SCFD2: variants seen among roughly 807,000 people sequenced by gnomAD.
SCFD2 encodes the protein sec1 family domain containing 2, also known as sec1 family domain-containing protein 2.
Under a neutral mutation model 58.9 loss-of-function variants are expected in SCFD2, and 54 were observed. The ratio of observed to expected loss-of-function variants is 0.92; its 90% CI spans 0.74 to 1.15. SCFD2 has a LOEUF of 1.15. Among genes scored for constraint, SCFD2 ranks in the 50% most tolerant of loss-of-function variants. The pLI, the probability that SCFD2 is intolerant of heterozygous loss-of-function variation, is 0.00. For missense variants in SCFD2, 805 were observed against 836.6 expected, an observed-to-expected ratio of 0.96 and a Z score of 0.47; for synonymous variants, 321 against 335.9, an observed-to-expected ratio of 0.96 and a Z score of 0.49.
At chr4:53,039,315 A>G (rs1722838252) in intron 5 of SCFD2, among the ~76,000 whole-genome samples, 1 of 151,940 alleles carries the variant, frequency 6.6e-6, no homozygotes, top group Non-Finnish European at 1.5e-5. Flanking sequence ...CTTATTTCCA[A>G]TCCAGTTTGC....
chr4:53,171,073 G>A (rs1267958313), intron 4 of SCFD2, among the ~76,000 whole-genome samples: 1 of 152,136 alleles, frequency 6.6e-6, no homozygotes, highest in Non-Finnish European at 1.5e-5. Context: ...AAATAGAAGT[G>A]GTGACTGTGT....
intron 5 of SCFD2, among the ~76,000 whole-genome samples, chr4:53,114,520 A>T (rs1725265650): frequency 6.6e-6 from 1 of 152,120 alleles, no homozygotes; most frequent in South Asian, 2.1e-4. Context: ...AAAAGCCAGA[A>T]ATTTGATTTG....
At chr4:52,972,083 C>T (rs13119828) in intron 5 of SCFD2, among the ~76,000 whole-genome samples, 5,687 of 152,232 alleles carry the variant, frequency 0.037, 157 homozygotes, top group Non-Finnish European at 0.06. Context: ...TAAAGACCAT[C>T]GAGGCTAGGA....
At chr4:53,248,602 T>A (rs547219527) in intron 4 of SCFD2, among the ~76,000 whole-genome samples, 1 of 152,314 alleles carries the variant, frequency 6.6e-6, no homozygotes. Flanking sequence ...CCTCCTCAAG[T>A]GGGTCCCTGA....
intron 5 of SCFD2, among the ~76,000 whole-genome samples, chr4:53,019,339 GC>G (rs1722291315): frequency 1.3e-5 from 2 of 152,108 alleles, no homozygotes. Context: ...TGTATTTAAA[GC>G]CCTGTTTATG....
chr4:52,881,408 A>T (rs1718606023), intron 8 of SCFD2, among the ~76,000 whole-genome samples: 1 of 152,180 alleles, frequency 6.6e-6, no homozygotes, highest in Admixed American at 6.5e-5. Flanking sequence ...TCTGTTGTCC[A>T]CTTGTCATGA....
chr4:53,239,168 G>C (rs1469397568), intron 4 of SCFD2, among the ~76,000 whole-genome samples: 1 of 151,588 alleles, frequency 6.6e-6, no homozygotes, highest in Non-Finnish European at 1.5e-5. Context: ...AGACTGGCCT[G>C]GCCAACACAG....
chr4:53,173,124 T>C (rs1474295823), intron 4 of SCFD2, among the ~76,000 whole-genome samples: 1 of 152,232 alleles, frequency 6.6e-6, no homozygotes, highest in Non-Finnish European at 1.5e-5. Flanking sequence ...TTTACAGTTT[T>C]TGACTTAAAG....
chr4:53,234,287 C>A (rs1379510548), intron 4 of SCFD2, among the ~76,000 whole-genome samples: 1 of 152,194 alleles, frequency 6.6e-6, no homozygotes, highest in Non-Finnish European at 1.5e-5. Flanking sequence ...GGCTTTTCAG[C>A]TTTTCCCCTC....
intron 3 of SCFD2, among the ~76,000 whole-genome samples, chr4:53,278,359 A>C (rs1274861841): frequency 8.7e-6 from 1 of 114,954 alleles, no homozygotes; most frequent in Non-Finnish European, 1.7e-5. Flanking sequence ...ACTCCATCTT[A>C]AAAAAAAAAA....
chr4:53,103,600 A>G (rs1724891745), intron 5 of SCFD2, among the ~76,000 whole-genome samples: 1 of 148,664 alleles, frequency 6.7e-6, no homozygotes. Flanking sequence ...AAGAGGATGT[A>G]GAAGAACAAT....
At chr4:53,247,152 A>C (rs1457446561) in intron 4 of SCFD2, among the ~76,000 whole-genome samples, 1 of 152,230 alleles carries the variant, frequency 6.6e-6, no homozygotes, top group African/African-American at 2.4e-5. Flanking sequence ...GCATATAAAA[A>C]ACCAGCTCAA....
intron 2 of SCFD2, among the ~76,000 whole-genome samples, chr4:53,329,921 C>G (rs1320481423): frequency 1.3e-5 from 2 of 151,868 alleles, no homozygotes; most frequent in Admixed American, 1.3e-4. Context: ...CAGCTGAAAA[C>G]CAAGGCTCGA....
At chr4:53,110,462 C>T (rs1460635932) in intron 5 of SCFD2, among the ~76,000 whole-genome samples, 8 of 152,058 alleles carry the variant, frequency 5.3e-5, no homozygotes, top group Non-Finnish European at 1.2e-4. Context: ...GCAACTTACA[C>T]AATGGGAGAA....
intron 4 of SCFD2, among the ~76,000 whole-genome samples, chr4:53,248,525 C>G (rs1442018858): frequency 6.6e-6 from 1 of 152,206 alleles, no homozygotes; most frequent in African/African-American, 2.4e-5. Context: ...ATGTCCCTGT[C>G]TGACAGCTTT....
intron 4 of SCFD2, among the ~76,000 whole-genome samples, chr4:53,248,062 G>A (rs1240419797): frequency 6.6e-6 from 1 of 152,176 alleles, no homozygotes; most frequent in Non-Finnish European, 1.5e-5. Context: ...GTCAGTGGGT[G>A]CAGCGCACCA....
chr4:52,933,156 T>C (rs301117), intron 5 of SCFD2, among the ~76,000 whole-genome samples: 28,502 of 152,048 alleles, frequency 0.19, 3,362 homozygotes, highest in African/African-American at 0.33. Context: ...TCAAGTAGCA[T>C]TGCAAGCAGG....
chr4:53,096,073 T>A (rs1315621671), intron 5 of SCFD2, among the ~76,000 whole-genome samples: 1 of 152,240 alleles, frequency 6.6e-6, no homozygotes, highest in Non-Finnish European at 1.5e-5. Context: ...GGCTGCGTAG[T>A]ATTCCATGGT....
intron 3 of SCFD2, among the ~76,000 whole-genome samples, chr4:53,312,039 A>G (rs557281535): frequency 6.6e-6 from 1 of 152,226 alleles, no homozygotes; most frequent in Admixed American, 6.5e-5. Flanking sequence ...TGGAAAGGAA[A>G]GGAGAGAAGG....
Sources: allele counts gnomAD v4.1 joint callset (sites outside exome capture counted in the v4.1 genomes callset), GRCh38; gene constraint gnomAD v4.1.1; transcripts MANE v1.5; gene names NCBI Gene and HGNC (gene_info 2026-07-23, HGNC 2026-07-21).